The following THEMIS variants were observed in gnomAD, a reference collection of about 807,000 sequenced individuals.
THEMIS encodes the protein protein THEMIS.
In THEMIS, 37 loss-of-function variants were observed where a neutral mutation model predicts 52.6. The observed-to-expected ratio is 0.70, with a 90% confidence interval of 0.54 to 0.93. The LOEUF is 0.93. THEMIS is among the 40% of genes least tolerant of loss of function. The probability of loss-of-function intolerance (pLI) is 0.00; values close to 1 mark genes in which losing one functional copy is unlikely to be tolerated. For missense variants in THEMIS, 808 were observed against 763.1 expected (o/e 1.06, Z -0.69); for synonymous variants, 292 against 272.7 (o/e 1.07, Z -0.70).
At position 127,756,635 on chromosome 6, in the gene THEMIS, A is replaced by G. The variant is rs541954508; in HGVS notation, c.1759-36812T>C. 5.9e-5 allele frequency among the ~76,000 whole-genome samples: 9 copies of G among 152,314 alleles called. No individual in the cohort carries two copies. In the East Asian group the frequency reaches 1.7e-3, roughly 29 times the overall value. Reference sequence around the variant, plus strand: ...GTACATAGCTGAAGAAATACAGCCTAGAAGGATTACGTCTTTCTAGTATTT... The same window carrying G: ...GTACATAGCTGAAGAAATACAGCCTGGAAGGATTACGTCTTTCTAGTATTT... On this transcript the variant is annotated intron_variant, in intron 4 of 5. Coordinates refer to ENST00000368248, the MANE Select transcript of THEMIS (RefSeq NM_001010923.3).
chr6:127,767,528 A>G (rs1486128287), intron 4 of THEMIS, among the ~76,000 whole-genome samples: 1 of 152,162 alleles, frequency 6.6e-6, no homozygotes, highest in African/African-American at 2.4e-5. Context: ...CATGGTCATC[A>G]ACATCACTGT....
intron 1 of THEMIS, among the ~76,000 whole-genome samples, chr6:127,898,447 A>T (rs1257283259): frequency 6.6e-6 from 1 of 151,844 alleles, no homozygotes; most frequent in Non-Finnish European, 1.5e-5. Flanking sequence ...AAGTTATGAG[A>T]TATTATCTCA....
At chr6:127,722,092 C>T (rs998928944) in intron 4 of THEMIS, among the ~76,000 whole-genome samples, 2 of 152,032 alleles carry the variant, frequency 1.3e-5, no homozygotes, top group Non-Finnish European at 2.9e-5. Flanking sequence ...CTGGTGCAAA[C>T]CTCTGGCACA....
chr6:127,759,848 C>CTCCT (rs1554220125), intron 4 of THEMIS, among the ~76,000 whole-genome samples: 3 of 133,814 alleles, frequency 2.2e-5, no homozygotes, highest in African/African-American at 5.6e-5. Context: ...CCCTCCCTCC[C>CTCCT]TCCCTCCCTC....
chr6:127,816,709 C>T (rs997415011), intron 3 of THEMIS, among the ~76,000 whole-genome samples: 5 of 152,118 alleles, frequency 3.3e-5, no homozygotes, highest in Non-Finnish European at 5.9e-5. Flanking sequence ...TTTTTAGATG[C>T]TAAATAATTT....
chr6:127,728,304 G>T (rs1464346087), intron 4 of THEMIS, among the ~76,000 whole-genome samples: 1 of 151,930 alleles, frequency 6.6e-6, no homozygotes, highest in African/African-American at 2.4e-5. Flanking sequence ...GCGTTGTTTT[G>T]GTTTTATTTT....
intron 1 of THEMIS, among the ~76,000 whole-genome samples, chr6:127,857,253 A>G (rs1779648423): frequency 1.3e-5 from 2 of 152,008 alleles, no homozygotes; most frequent in Admixed American, 1.3e-4. Context: ...TACTGAAGGC[A>G]TTTAATTATG....
intron 4 of THEMIS, among the ~76,000 whole-genome samples, chr6:127,787,356 C>T (rs1303538904): frequency 6.6e-6 from 1 of 152,060 alleles, no homozygotes; most frequent in Non-Finnish European, 1.5e-5. Context: ...TCTACTCATG[C>T]ACATAAAAGG....
At chr6:127,761,945 G>A (rs1776036023) in intron 4 of THEMIS, among the ~76,000 whole-genome samples, 1 of 152,046 alleles carries the variant, frequency 6.6e-6, no homozygotes, top group Non-Finnish European at 1.5e-5. Flanking sequence ...AAATTGATAG[G>A]AGCACTTCTA....
At chr6:127,752,937 G>A (rs976856425) in intron 4 of THEMIS, among the ~76,000 whole-genome samples, 33 of 151,662 alleles carry the variant, frequency 2.2e-4, no homozygotes, top group Admixed American at 1.2e-3. Context: ...TTAGCAAACC[G>A]AATTCAATAA....
At chr6:127,732,740 AC>A (rs1206968524) in intron 4 of THEMIS, among the ~76,000 whole-genome samples, 2 of 152,176 alleles carry the variant, frequency 1.3e-5, no homozygotes, top group Admixed American at 1.3e-4. Context: ...TACTTACTCT[AC>A]TACTGAAGAA....
rs572269060 is a variant in THEMIS, at chr6:127,780,135, G to A, written c.1758+32748C>T. Among the ~76,000 whole-genome samples, 23 of 152,044 alleles carry A rather than the reference G, an allele frequency of 1.5e-4. No individual in the cohort carries two copies. The East Asian group carries it at 1.7e-3, about 11-fold the overall frequency. On this transcript the variant is annotated intron_variant, in intron 4 of 5. Coordinates refer to ENST00000368248, the MANE Select transcript of THEMIS (RefSeq NM_001010923.3). ...AGTAGCTCTTTTTGTTTCATTGATC[G>A]CTTTACCATTATGTAATGCCTTTCT...
upstream of THEMIS, among the ~76,000 whole-genome samples, chr6:127,904,988 C>A (rs1353360476): frequency 6.6e-6 from 1 of 151,990 alleles, no homozygotes; most frequent in Non-Finnish European, 1.5e-5. Flanking sequence ...ATCTCTGTGT[C>A]TCTGCAGAGA....
At chr6:127,840,718 T>TGAATG (rs1779018259) in intron 2 of THEMIS, among the ~76,000 whole-genome samples, 1 of 152,096 alleles carries the variant, frequency 6.6e-6, no homozygotes. Flanking sequence ...CTTCAGTAGG[T>TGAATG]GAATGGATAA....
chr6:127,747,024 ATATAGATATAAT>A (rs1251534773), intron 4 of THEMIS, among the ~76,000 whole-genome samples: 5 of 44,106 alleles, frequency 1.1e-4, no homozygotes, highest in African/African-American at 1.9e-4. Context: ...ATATAATTAT[ATATAGATATAAT>A]TATAGATATC....
At chr6:127,827,170 A>C (rs1778536904) in intron 3 of THEMIS, among the ~76,000 whole-genome samples, 1 of 152,126 alleles carries the variant, frequency 6.6e-6, no homozygotes, top group South Asian at 2.1e-4. Context: ...GCAATTTTGA[A>C]TCTTCAATTT....
At chr6:127,844,136 T>A (rs1443514451) in intron 2 of THEMIS, among the ~76,000 whole-genome samples, 3 of 152,046 alleles carry the variant, frequency 2.0e-5, no homozygotes, top group African/African-American at 7.2e-5. Flanking sequence ...GAGGTTCATA[T>A]TATATTTTTA....
chr6:127,871,067 A>T (rs1780142673), intron 1 of THEMIS, among the ~76,000 whole-genome samples: 1 of 152,170 alleles, frequency 6.6e-6, no homozygotes, highest in African/African-American at 2.4e-5. Flanking sequence ...ACAATAACAT[A>T]TGCTGAGATA....
intron 4 of THEMIS, among the ~76,000 whole-genome samples, chr6:127,758,573 T>C (rs1350162398): frequency 1.3e-5 from 2 of 151,412 alleles, no homozygotes; most frequent in Non-Finnish European, 3.0e-5. Context: ...AAATTCCCTA[T>C]AGCAGAAAGA....
Sources: allele counts gnomAD v4.1 joint callset (sites outside exome capture counted in the v4.1 genomes callset), GRCh38; gene constraint gnomAD v4.1.1; transcripts MANE v1.5; gene names NCBI Gene and HGNC (gene_info 2026-07-23, HGNC 2026-07-21).